Variants in CCDC7 observed in about 807,000 individuals in gnomAD.
The protein encoded by CCDC7 is coiled-coil domain-containing protein 7.
A neutral mutation model predicts 196.9 loss-of-function variants in CCDC7; 183 were observed. The ratio of observed to expected loss-of-function variants is 0.93; its 90% CI spans 0.82 to 1.05. CCDC7 has a LOEUF of 1.05. Ranked by LOEUF, CCDC7 falls within the 50% of genes least tolerant of loss-of-function variation. The pLI is 0.00. For synonymous variants in CCDC7, 525 were observed against 484.6 expected (o/e 1.08, Z -1.10); for missense variants, 1,540 against 1,482.2 (o/e 1.04, Z -0.64).
intron 11 of CCDC7, among the ~76,000 whole-genome samples, chr10:32,532,595 A>G (rs1407574272): frequency 6.6e-6 from 1 of 152,092 alleles, no homozygotes; most frequent in African/African-American, 2.4e-5. Context: ...ATTGTATTAC[A>G]GTTTATCTCT....
chr10:32,815,111 A>G (rs1229782712), intron 31 of CCDC7, among the ~76,000 whole-genome samples: 4 of 152,148 alleles, frequency 2.6e-5, no homozygotes, highest in Admixed American at 2.0e-4. Context: ...AAGCCCCACA[A>G]AAAGGAAGAG....
At chr10:32,772,509 C>T (rs1336331784) in intron 28 of CCDC7, among the ~76,000 whole-genome samples, 2 of 152,252 alleles carry the variant, frequency 1.3e-5, no homozygotes, top group Non-Finnish European at 2.9e-5. Flanking sequence ...GACTCCTGTA[C>T]TCAAAGTCTG....
At chr10:32,703,291 T>A (rs1210430686) in intron 24 of CCDC7, among the ~76,000 whole-genome samples, 1 of 152,118 alleles carries the variant, frequency 6.6e-6, no homozygotes, top group Non-Finnish European at 1.5e-5. Flanking sequence ...TTTGGCTGGA[T>A]ATGAAATTCT....
At chr10:32,593,033 G>A (rs1340445315) in intron 18 of CCDC7, among the ~76,000 whole-genome samples, 1 of 152,186 alleles carries the variant, frequency 6.6e-6, no homozygotes, top group Admixed American at 6.5e-5. Flanking sequence ...CTTTATAGCA[G>A]CATGATTTAT....
intron 9 of CCDC7, among the ~76,000 whole-genome samples, chr10:32,496,630 C>G (rs2042955973): frequency 6.6e-6 from 1 of 152,170 alleles, no homozygotes; most frequent in South Asian, 2.1e-4. Context: ...AAGGCCTTTT[C>G]TGCATCTATT....
At chr10:32,828,439 G>GAGAAGAAGA (rs71030014) in intron 32 of CCDC7, among the ~76,000 whole-genome samples, 14 of 56,850 alleles carry the variant, frequency 2.5e-4, no homozygotes, top group African/African-American at 5.7e-4. Flanking sequence ...AGGAAGGAAG[G>GAGAAGAAGA]AGAAGAAGAA....
rs138682296 is a variant in CCDC7, at chr10:32,782,701, G to C, written c.3013+3617G>C. On this transcript the variant is annotated intron_variant, in intron 29 of 41. Transcript: ENST00000639629. Reference sequence around the variant, plus strand: ...GACCACACATATCCAAAACAATTTTGAAAAAGGAGAATAAATTTGGAAGTC... The same window carrying C: ...GACCACACATATCCAAAACAATTTTCAAAAAGGAGAATAAATTTGGAAGTC... 7.0e-3 allele frequency among the ~76,000 whole-genome samples: 1,069 copies of C among 152,188 alleles called. 12 individuals are homozygous for C. Among genetic ancestry groups the C allele is most frequent in the African/African-American group, 0.025 (1,020 of 41,530 alleles).
exon 1 of CCDC7, chr10:32,446,199 G>C (rs1032906733): frequency 3.3e-5 from 5 of 152,192 alleles, no homozygotes; most frequent in African/African-American, 1.2e-4. Context: ...GCCCGGGGGC[G>C]CAGAGGCCGG....
chr10:32,544,023 A>G (rs1417827968), intron 12 of CCDC7, among the ~76,000 whole-genome samples: 3 of 152,080 alleles, frequency 2.0e-5, no homozygotes, highest in South Asian at 2.1e-4. Context: ...TGCTTTGACT[A>G]TCAGTCTTTT....
chr10:32,706,786 T>G (rs1372910893), intron 24 of CCDC7, among the ~76,000 whole-genome samples: 1 of 152,192 alleles, frequency 6.6e-6, no homozygotes, highest in East Asian at 1.9e-4. Context: ...GTTGAATCCC[T>G]GAATAGTCCA....
chr10:32,697,628 A>G (rs375618536), intron 24 of CCDC7, among the ~76,000 whole-genome samples: 60 of 152,170 alleles, frequency 3.9e-4, no homozygotes, highest in African/African-American at 1.4e-3. Flanking sequence ...GGGGAGGGGC[A>G]TCTGCCATTG....
chr10:32,651,724 G>A (rs1022900385), intron 20 of CCDC7, among the ~76,000 whole-genome samples: 13 of 152,120 alleles, frequency 8.5e-5, no homozygotes, highest in African/African-American at 3.1e-4. Flanking sequence ...TCATCTTGGG[G>A]CTGACACCTC....
intron 18 of CCDC7, among the ~76,000 whole-genome samples, chr10:32,599,137 G>C (rs554122615): frequency 6.6e-6 from 1 of 152,076 alleles, no homozygotes; most frequent in African/African-American, 2.4e-5. Context: ...TGCTTGATTC[G>C]TTGACCCTTT....
At chr10:32,759,496 G>C (rs945659625) in intron 28 of CCDC7, among the ~76,000 whole-genome samples, 1 of 152,096 alleles carries the variant, frequency 6.6e-6, no homozygotes, top group African/African-American at 2.4e-5. Flanking sequence ...AATGGGGAAA[G>C]GATTCCCTAT....
At chr10:32,559,137 G>A (rs1295417037) in intron 13 of CCDC7, among the ~76,000 whole-genome samples, 3 of 152,376 alleles carry the variant, frequency 2.0e-5, no homozygotes, top group Non-Finnish European at 4.4e-5. Context: ...CATTGCCCAG[G>A]CTTGCTTAGG....
intron 14 of CCDC7, 40 bp from the exon 16 acceptor site, chr10:32,567,630 T>A (rs368547778): frequency 2.1e-4 from 320 of 1,556,408 alleles, no homozygotes; most frequent in Non-Finnish European, 2.7e-4. Flanking sequence ...CAGGAAAATA[T>A]CAGAAAATGC....
At chr10:32,703,050 C>T (rs1214728366) in intron 24 of CCDC7, among the ~76,000 whole-genome samples, 3 of 152,136 alleles carry the variant, frequency 2.0e-5, no homozygotes, top group Non-Finnish European at 2.9e-5. Context: ...GAATTTGATC[C>T]TGTCATTATG....
intron 21 of CCDC7, among the ~76,000 whole-genome samples, chr10:32,679,879 T>TTCTCTAA (rs1177928373): frequency 1.3e-5 from 2 of 152,220 alleles, no homozygotes; most frequent in Non-Finnish European, 2.9e-5. Context: ...AAGGGTAAAC[T>TTCTCTAA]GATCCTAATC....
intron 29 of CCDC7, among the ~76,000 whole-genome samples, chr10:32,781,106 C>T (rs2080993717): frequency 6.6e-6 from 1 of 152,076 alleles, no homozygotes; most frequent in African/African-American, 2.4e-5. Flanking sequence ...TCTACCAGAA[C>T]TGACTTATGA....
Sources: gnomAD v4.1 joint callset for allele counts (sites outside exome capture counted in the v4.1 genomes callset) on GRCh38, gnomAD v4.1.1 for gene constraint, MANE v1.5 for transcripts, NCBI Gene and HGNC (gene_info 2026-07-23, HGNC 2026-07-21) for gene names.